The following WASF3 variants were observed in gnomAD, a reference collection of about 807,000 sequenced individuals.
WASF3 encodes actin-binding protein WASF3.
WASF3 carries 11 observed loss-of-function variants against 46.6 expected under a neutral mutation model. The ratio of observed to expected loss-of-function variants is 0.24; its 90% CI spans 0.15 to 0.39. The LOEUF (loss-of-function observed/expected upper bound fraction) is 0.39. Ranked by LOEUF, WASF3 falls within the 10% of genes least tolerant of loss-of-function variation. The pLI is 1.00. For missense variants in WASF3, 576 were observed against 669.8 expected (o/e 0.86, Z 1.55); for synonymous variants, 242 against 259.7 (o/e 0.93, Z 0.65).
intron 2 of WASF3, among the ~76,000 whole-genome samples, chr13:26,615,877 G>GTATGTAGTA (rs1881118278): frequency 6.6e-6 from 1 of 152,124 alleles, no homozygotes; most frequent in African/African-American, 2.4e-5. Context: ...GAATAATACA[G>GTATGTAGTA]TATGTAGTAT....
chr13:26,627,894 A>G (rs1386147075), intron 2 of WASF3, among the ~76,000 whole-genome samples: 3 of 106,168 alleles, frequency 2.8e-5, no homozygotes, highest in Non-Finnish European at 7.1e-5. Flanking sequence ...AATAATAAAG[A>G]AAAAAAAACC....
the WASF3 span, among the ~76,000 whole-genome samples, chr13:26,544,550 A>G: frequency 6.6e-6 from 1 of 152,226 alleles, no homozygotes; most frequent in African/African-American, 2.4e-5. Context: ...TCAAAACCCA[A>G]GAGTGACTAC....
the WASF3 span, among the ~76,000 whole-genome samples, chr13:26,551,725 C>T: frequency 6.6e-6 from 1 of 152,254 alleles, no homozygotes; most frequent in Non-Finnish European, 1.5e-5. Flanking sequence ...GGTATTCAGA[C>T]AGAAAGCCCA....
intron 7 of WASF3, among the ~76,000 whole-genome samples, chr13:26,678,176 T>TA (rs764431643): frequency 6.6e-5 from 10 of 152,216 alleles, no homozygotes; most frequent in African/African-American, 9.6e-5. Flanking sequence ...CATGGCTTCT[T>TA]ACTATTTGCA....
intron 1 of WASF3, among the ~76,000 whole-genome samples, chr13:26,567,375 T>C (rs1205771707): frequency 6.6e-6 from 1 of 152,202 alleles, no homozygotes; most frequent in Non-Finnish European, 1.5e-5. Context: ...ATCAGTATCC[T>C]GCATGGCAAG....
At chr13:26,659,283 A>G (rs1045451102) in intron 3 of WASF3, among the ~76,000 whole-genome samples, 1 of 152,178 alleles carries the variant, frequency 6.6e-6, no homozygotes, top group Non-Finnish European at 1.5e-5. Flanking sequence ...CTGGAAATGC[A>G]AAGGCCTGGG....
intron 2 of WASF3, among the ~76,000 whole-genome samples, chr13:26,640,021 C>T (rs1881947883): frequency 6.6e-6 from 1 of 152,056 alleles, no homozygotes; most frequent in South Asian, 2.1e-4. Flanking sequence ...AGTGTGAGAG[C>T]CACATCGAGG....
intron 5 of WASF3, among the ~76,000 whole-genome samples, chr13:26,668,367 C>T (rs115009071): frequency 0.02 from 3,032 of 152,334 alleles, 106 homozygotes; most frequent in African/African-American, 0.069. Flanking sequence ...CTCTCCATCC[C>T]TTGTGGTATG....
intron 1 of WASF3, among the ~76,000 whole-genome samples, chr13:26,559,073 C>G (rs1377047932): frequency 1.3e-5 from 2 of 152,196 alleles, no homozygotes; most frequent in Non-Finnish European, 1.5e-5. Context: ...TTCTTTAAAG[C>G]TAGTTCTTTT....
At chr13:26,553,396 A>G (rs909579536), upstream of WASF3, among the ~76,000 whole-genome samples, 37 of 151,964 alleles carry the variant, frequency 2.4e-4, 1 homozygote, top group Non-Finnish European at 4.4e-5. Context: ...GTTCCATTTT[A>G]TAGGCTATGC....
rs369526345 is a variant in WASF3 at position 26,661,588 on chromosome 13, A to G, written c.134-3440A>G. Among the ~76,000 whole-genome samples the G allele has an allele frequency of 2.6e-5, 4 of 152,288 alleles. No homozygotes were observed. In the East Asian group the frequency reaches 7.7e-4, roughly 29 times the overall value. ...GTGCTTCTGTGAACATAGGTATGCAAATGTCTCTTCACATCCTTGCTTGCA... is the reference window on the plus strand; with the variant it reads ...GTGCTTCTGTGAACATAGGTATGCAGATGTCTCTTCACATCCTTGCTTGCA... On this transcript the variant is annotated intron_variant, in intron 3 of 9. Transcript: ENST00000335327.
chr13:26,646,782 A>C (rs1192621346), intron 3 of WASF3, among the ~76,000 whole-genome samples: 2 of 152,096 alleles, frequency 1.3e-5, no homozygotes, highest in Non-Finnish European at 2.9e-5. Context: ...CAGGGCAACT[A>C]ATTGTTCTAG....
chr13:26,646,277 A>G (rs190167684), intron 3 of WASF3, among the ~76,000 whole-genome samples: 7 of 152,346 alleles, frequency 4.6e-5, no homozygotes, highest in African/African-American at 1.4e-4. Context: ...AGGAAGAATA[A>G]GAGAATGTAA....
At chr13:26,626,088 A>G (rs569493166) in intron 2 of WASF3, 2 of 152,338 alleles carry the variant, frequency 1.3e-5, no homozygotes, top group East Asian at 3.9e-4. Context: ...ATTCAGGACC[A>G]TTGCAGAAGG....
At chr13:26,666,866 C>CAAAAAAAAAAAAAAAAAAAAAAAAAAAAA (rs1168774717) in intron 4 of WASF3, among the ~76,000 whole-genome samples, 1 of 62,808 alleles carries the variant, frequency 1.6e-5, no homozygotes, top group Non-Finnish European at 3.3e-5. Context: ...AAGACTGTCT[C>CAAAAAAAAAAAAAAAAAAAAAAAAAAAAA]AAAAAAAAAA....
At chr13:26,574,125 A>G (rs1366651031) in intron 1 of WASF3, among the ~76,000 whole-genome samples, 1 of 152,214 alleles carries the variant, frequency 6.6e-6, no homozygotes, top group African/African-American at 2.4e-5. Flanking sequence ...CCATTTTATG[A>G]ACATAGTAAT....
At chr13:26,558,066 G>C (rs537194033) in intron 1 of WASF3, among the ~76,000 whole-genome samples, 16 of 151,680 alleles carry the variant, frequency 1.1e-4, no homozygotes, top group African/African-American at 3.6e-4. Flanking sequence ...CCGTCACGGC[G>C]CGGCCAGGCG....
At chr13:26,653,927 CCTAT>C (rs150904458) in intron 3 of WASF3, among the ~76,000 whole-genome samples, 3,011 of 152,210 alleles carry the variant, frequency 0.02, 95 homozygotes, top group African/African-American at 0.068. Flanking sequence ...CCAGCCATCC[CCTAT>C]CTGTCTTAGC....
At chr13:26,550,417 A>C in the WASF3 span, among the ~76,000 whole-genome samples, 24 of 152,326 alleles carry the variant, frequency 1.6e-4, no homozygotes, top group Non-Finnish European at 3.1e-4. Flanking sequence ...TACACCAACA[A>C]GTGCAGTTCA....
Sources: allele counts gnomAD v4.1 joint callset (sites outside exome capture counted in the v4.1 genomes callset), GRCh38; gene constraint gnomAD v4.1.1; transcripts MANE v1.5; gene names NCBI Gene and HGNC (gene_info 2026-07-23, HGNC 2026-07-21).